The following NEB variants were observed in gnomAD, a reference collection of about 807,000 sequenced individuals.
NEB encodes nemaline myopathy type 2.
A neutral mutation model predicts 952.2 loss-of-function variants in NEB; 512 were observed. The observed-to-expected ratio is 0.54, with a 90% CI of 0.50 to 0.58. NEB has a LOEUF of 0.58. NEB is among the 20% of genes least tolerant of loss of function. NEB has a pLI of 0.00. For missense variants in NEB, 8,428 were observed against 9,231.1 expected, an observed-to-expected ratio of 0.91 and a Z score of 3.56; for synonymous variants, 2,900 against 3,149.8, an observed-to-expected ratio of 0.92 and a Z score of 2.66.
chr2:151,553,305 C>T, intron 127 of NEB, 93 bp downstream of exon 127: 1 of 1,041,312 alleles, frequency 9.6e-7, no homozygotes. Flanking sequence ...CAGAGCTGGC[C>T]TGTGACAATG....
At chr2:151,581,713 T>C in intron 102 of NEB, 126 bp from the exon 103 acceptor site, 1 of 964,144 alleles carries the variant, frequency 1.0e-6, no homozygotes, top group East Asian at 2.8e-5. Context: ...AAGTGAATTT[T>C]ATAATAAATT....
At position 151,662,287 on chromosome 2, in the gene NEB, G is replaced by T. The variant is rs770694638; in HGVS notation, c.5818C>A (p.Leu1940Met). ...TTTTTCTCTGCTTCCAGGGAGCCCA[G>T]AGGGAGCCATCCAATGCCCTTCATG... ...DFMKGIGWLP[L>M]GSLEAEKNKK... is the part of the protein sequence containing the mutation. The change falls in exon 46 of 182, where the codon CTG becomes ATG. Residue 1940 changes from leucine to methionine, a missense_variant. By Grantham distance (15) the Leu-to-Met change is conservative. Coordinates refer to ENST00000397345, the MANE Select transcript of NEB (RefSeq NM_001164508.2). The T allele has an allele frequency of 1.9e-6, 3 of 1,613,622 alleles. No homozygotes were observed. In the East Asian group the frequency reaches 6.7e-5, roughly 36 times the overall value.
At chr2:151,699,003 A>C (rs1250698108) in intron 13 of NEB, among the ~76,000 whole-genome samples, 2 of 128,636 alleles carry the variant, frequency 1.6e-5, no homozygotes, top group South Asian at 2.8e-4. Context: ...ATATCTCCCA[A>C]TGCTATCCCT....
intron 9 of NEB, among the ~76,000 whole-genome samples, chr2:151,718,275 C>A (rs1341489565): frequency 6.6e-6 from 1 of 152,220 alleles, no homozygotes; most frequent in East Asian, 1.9e-4. Flanking sequence ...AGGTACAGGG[C>A]AGGGAGACTC....
chr2:151,670,614 C>G (rs1298236826), intron 38 of NEB, among the ~76,000 whole-genome samples: 2 of 152,216 alleles, frequency 1.3e-5, no homozygotes, highest in Non-Finnish European at 2.9e-5. Flanking sequence ...GAACATGGAG[C>G]TATTATGCGA....
At position 151,696,703 on chromosome 2, in the gene NEB, T is replaced by C; in HGVS notation, c.1503A>G (p.Lys501=). The C allele has an allele frequency of 1.2e-6, 2 of 1,613,800 alleles. No homozygotes were observed. Among genetic ancestry groups the C allele is most frequent in the African/African-American group, 1.3e-5 (1 of 75,030 alleles). Residue 501 remains lysine, a synonymous_variant, in exon 17 of 182, where the codon AAA becomes AAG. Transcript: ENST00000397345. ...CAGGAGAGTCTGTAACTTGGGTGAATTTTGTCTTATCTGGATGGACTTTGT... is the reference window on the plus strand; with the variant it reads ...CAGGAGAGTCTGTAACTTGGGTGAACTTTGTCTTATCTGGATGGACTTTGT... ...HTYKVHPDKT[K]FTQVTDSPVL... is the part of the protein sequence containing the mutation.
intron 169 of NEB, 44 bp from the exon 170 acceptor site, chr2:151,498,396 A>G: frequency 1.4e-6 from 2 of 1,405,324 alleles, no homozygotes; most frequent in Non-Finnish European, 2.0e-6. Flanking sequence ...GCAATCAATC[A>G]GTCATTTTCC....
chr2:151,634,139 G>A (rs1234480524), intron 64 of NEB, among the ~76,000 whole-genome samples, 174 bp from the exon 65 acceptor site: 1 of 152,034 alleles, frequency 6.6e-6, no homozygotes, highest in African/African-American at 2.4e-5. Context: ...AAAAATAGAT[G>A]GAATTCATGT....
At chr2:151,696,881 T>C (rs2099600609) in intron 16 of NEB, 146 bp from the exon 17 acceptor site, 3 of 657,390 alleles carry the variant, frequency 4.6e-6, no homozygotes, top group East Asian at 5.5e-5. Flanking sequence ...TAGACTGTAG[T>C]TTGAGAGGTG....
chr2:151,667,742 G>C lies in NEB; in HGVS notation c.4719+62C>G, dbSNP rs982205861. The C allele has an allele frequency of 6.1e-6, 8 of 1,310,436 alleles. No individual in the cohort carries two copies. In the Admixed American group the frequency reaches 1.5e-4, roughly 24 times the overall value. The allele number at this position is 1,310,436 out of a possible 1,614,324, so 81.2% of individuals were successfully genotyped here. A position where few individuals can be genotyped will look rare whatever the true frequency, so the allele number is the denominator to read the frequency against. ...GACAGGGTCTTGCTATGTTGCCCAG[G>C]CTGGTCTTGAACTCCTGAAGTCTTT... On this transcript the variant is annotated intron_variant, in intron 40 of 181. Coordinates refer to ENST00000397345, the MANE Select transcript of NEB (RefSeq NM_001164508.2).
In NEB at chr2:151,547,429, A is replaced by G. The variant is rs1366461568; in HGVS notation, c.20367T>C (p.Asp6789=). The stretch of plus-strand genomic sequence containing the variant: ...AGAAAGACCCCTACGAGATGCTTAC[A>G]TCACTGGTGATGTCTCCCACATAGC... ...HCRYVGDITS[D]IKYKEDLQVL... Residue 6789 remains aspartate (D), a splice_region_variant and synonymous_variant, in exon 133 of 182, where the codon GAT becomes GAC. Coordinates refer to ENST00000397345, the MANE Select transcript of NEB (RefSeq NM_001164508.2). 6.3e-7 allele frequency: 1 copy of G among 1,591,088 alleles called. No homozygotes were observed. The highest frequency in any genetic ancestry group is 1.1e-5 in the South Asian group (1 of 87,232).
At position 151,491,731 on chromosome 2, in the gene NEB, C is replaced by T; in HGVS notation, c.25102G>A (p.Asp8368Asn). ...GACTGGATGTTGTCTTCTGCTGGAT[C>T]ATAGTCAAAAACCGAACCAGGATTA... ...RTNPGSVFDY[D>N]PAEDNIQSRS... is the part of the protein sequence containing the mutation. Residue 8368 changes from aspartate to asparagine, a missense_variant, in exon 179 of 182, where the codon GAT becomes AAT. Physicochemically the swap from Asp to Asn is conservative, Grantham distance 23. Coordinates refer to ENST00000397345, the MANE Select transcript of NEB (RefSeq NM_001164508.2). 1 of 1,598,502 alleles carries T rather than the reference C, an allele frequency of 6.3e-7. No homozygotes were observed. Among genetic ancestry groups the T allele is most frequent in the Non-Finnish European group, 8.5e-7 (1 of 1,172,080 alleles).
chr2:151,617,282 A>T, intron 75 of NEB, 82 bp downstream of exon 75: 2 of 886,206 alleles, frequency 2.3e-6, no homozygotes, highest in Non-Finnish European at 3.5e-6. Flanking sequence ...GTAGTAAATT[A>T]GTCAAAACCT....
At chr2:151,635,700 C>CT (rs1443585461) in intron 64 of NEB, among the ~76,000 whole-genome samples, 1 of 124,930 alleles carries the variant, frequency 8.0e-6, no homozygotes, top group Non-Finnish European at 1.6e-5. Flanking sequence ...GAGCAAAACT[C>CT]TGTCTCCAAA....
intron 177 of NEB, 44 bp downstream of exon 177, chr2:151,492,343 A>G (rs1309017865): frequency 6.3e-7 from 1 of 1,590,142 alleles, no homozygotes; most frequent in African/African-American, 1.4e-5. Flanking sequence ...CTTTTTACAC[A>G]TTCTGACAGG....
intron 54 of NEB, among the ~76,000 whole-genome samples, chr2:151,647,999 G>C (rs757709984): frequency 2.0e-5 from 3 of 152,152 alleles, no homozygotes; most frequent in Non-Finnish European, 2.9e-5. Flanking sequence ...TAGGCATCAT[G>C]AAGCAATTTA....
chr2:151,631,297 G>C lies in NEB; in HGVS notation c.9464C>G (p.Pro3155Arg). 6.2e-7 allele frequency: 1 copy of C among 1,613,770 alleles called. No homozygotes were observed. The highest frequency in any genetic ancestry group is 8.5e-7 in the Non-Finnish European group (1 of 1,179,808). ...CTTGACCACATCCATAGACCCAATGGGGACCCAGCCAATGCCTCTCAGCCA... is the reference window on the plus strand; with the variant it reads ...CTTGACCACATCCATAGACCCAATGCGGACCCAGCCAATGCCTCTCAGCCA... ...LQWLRGIGWV[P>R]IGSMDVVKCK... is the part of the protein sequence containing the mutation. Residue 3155 changes from proline (P) to arginine (R), a missense_variant, in exon 66 of 182, where the codon CCC (proline) becomes CGC (arginine). Around this residue, in one of 11 missense-constraint regions of NEB, gnomAD observed 1,772 missense variants for 1,960.3 expected, o/e 0.90. Transcript: ENST00000397345.
chr2:151,570,090 C>T lies in NEB; in HGVS notation c.17421G>A (p.Leu5807=), dbSNP rs2153752381. 1.2e-6 allele frequency: 2 copies of T among 1,607,492 alleles called. No homozygotes were observed. The highest frequency in any genetic ancestry group is 2.2e-5 in the South Asian group (2 of 89,556). The change falls in exon 109 of 182, where the codon CTG becomes CTA. Residue 5807 remains leucine, a synonymous_variant. Coordinates refer to ENST00000397345, the MANE Select transcript of NEB (RefSeq NM_001164508.2). ...DVIQAKKAYE[L]QSDNVYKADL... ...AATGCAGCCCACTCACATCGCTCTG[C>T]AGTTCGTAGGCCTTCTTGGCCTGAA... is the stretch of plus-strand genomic sequence containing the variant.
chr2:151,650,163 G>A lies in NEB; in HGVS notation c.7431+13C>T. 6.2e-7 allele frequency: 1 copy of A among 1,610,752 alleles called. No individual in the cohort carries two copies. On this transcript the variant is annotated intron_variant, in intron 54 of 181. Transcript: ENST00000397345. ...AGGCACTATAATCTATTTATTTCCA[G>A]AGTGCTACTCACATCACTCCTATTT... is the stretch of plus-strand genomic sequence containing the variant.
Sources: allele counts gnomAD v4.1 joint callset (sites outside exome capture counted in the v4.1 genomes callset), GRCh38; gene constraint gnomAD v4.1.1; regional missense constraint gnomAD v4.1.1; transcripts MANE v1.5; gene names NCBI Gene and HGNC (gene_info 2026-07-23, HGNC 2026-07-21).